Variants in ACKR3 observed in about 807,000 individuals in gnomAD.
ACKR3 encodes C-X-C chemokine receptor type 7.
ACKR3 carries 6 observed loss-of-function variants against 22.4 expected under a neutral mutation model. The ratio of observed to expected loss-of-function variants is 0.27; its 90% confidence interval spans 0.15 to 0.53. The LOEUF (loss-of-function observed/expected upper bound fraction) is 0.53, where lower values mean the gene tolerates loss of function less well. ACKR3 is among the 20% of genes least tolerant of loss of function. The pLI is 0.96. For missense variants in ACKR3, 396 were observed against 475.2 expected, an observed-to-expected ratio of 0.83 and a Z score of 1.55; for synonymous variants, 209 against 205.2, an observed-to-expected ratio of 1.02 and a Z score of -0.16.
At position 236,581,967 on chromosome 2, in the gene ACKR3, C is replaced by G. The variant is rs1347632169; in HGVS notation, c.*413C>G. On this transcript the variant is annotated 3_prime_UTR_variant, in exon 2 of 2. Transcript: ENST00000272928. The surrounding 1 kb of genome is among the most constrained non-coding windows in gnomAD (Gnocchi z 4.4). ...TATATTTTAAATATTGTTTGGGAGG[C>G]ATAGTGCTGACATATATTCAGAGTG... 2 of 170,002 alleles carry G rather than the reference C, an allele frequency of 1.2e-5. No homozygotes were observed. The highest frequency in any genetic ancestry group is 4.8e-5 in the African/African-American group (2 of 41,342). 10.5% of individuals were successfully genotyped at this position (170,002 alleles called of 1,614,324 possible). A position where few individuals can be genotyped will look rare whatever the true frequency, so the allele number is the denominator to read the frequency against.
chr2:236,574,949 C>T lies in ACKR3; in HGVS notation c.-27+5025C>T, dbSNP rs929402567. Among the ~76,000 whole-genome samples the T allele has an allele frequency of 1.3e-5, 2 of 152,128 alleles. No individual in the cohort carries two copies. Among genetic ancestry groups the T allele is most frequent in the African/African-American group, 4.8e-5 (2 of 41,424 alleles). ...GAGGGCTGGACAGGTGCTTGCCCAC[C>T]GCCGGCCACGGGAAAGTTCTCTCCC... On this transcript the variant is annotated intron_variant, in intron 1 of 1. Transcript: ENST00000272928. The surrounding 1 kb of genome is among the most constrained non-coding windows in gnomAD (Gnocchi z 5.6).
chr2:236,539,723 G>A, the ACKR3 span, among the ~76,000 whole-genome samples: 1 of 152,118 alleles, frequency 6.6e-6, no homozygotes, highest in East Asian at 1.9e-4. Context: ...GTATTAGTCT[G>A]TTCTCATGAT....
the ACKR3 span, among the ~76,000 whole-genome samples, chr2:236,542,064 A>G: frequency 2.0e-5 from 3 of 152,220 alleles, no homozygotes; most frequent in Non-Finnish European, 4.4e-5. Flanking sequence ...TGCCACCATA[A>G]TGCTCTGTAT....
chr2:236,537,581 G>A, the ACKR3 span, among the ~76,000 whole-genome samples: 1 of 152,160 alleles, frequency 6.6e-6, no homozygotes, highest in African/African-American at 2.4e-5. Flanking sequence ...AGTGGTACAG[G>A]GCCCCTTGGA....
chr2:236,580,994 C>G lies in ACKR3; in HGVS notation c.529C>G (p.Leu177Val). 6.2e-6 allele frequency: 10 copies of G among 1,614,178 alleles called. No homozygotes were observed. Among genetic ancestry groups the G allele is most frequent in the African/African-American group, 1.3e-5 (1 of 75,056 alleles). The change falls in exon 2 of 2, where the codon CTG (leucine) becomes GTG (valine). Residue 177 changes from leucine to valine, a missense_variant. Transcript: ENST00000272928. ...GTGGCTGCTGGCCTTCTGCGTGTCT[C>G]TGCCTGACACCTACTACCTGAAGAC... The part of the protein sequence containing the change: ...LVWLLAFCVS[L>V]PDTYYLKTVT...
chr2:236,544,850 G>A, the ACKR3 span, among the ~76,000 whole-genome samples: 1 of 152,220 alleles, frequency 6.6e-6, no homozygotes, highest in Non-Finnish European at 1.5e-5. This position sits in a 1 kb window ranked among gnomAD's most constrained non-coding sequence, Gnocchi z 5.0. Context: ...GCAGGCAATT[G>A]TTTTAGAATC....
chr2:236,568,680 G>T (rs1432370288), upstream of ACKR3, among the ~76,000 whole-genome samples: 1 of 152,248 alleles, frequency 6.6e-6, no homozygotes, highest in Non-Finnish European at 1.5e-5. Context: ...TATTTCTTTC[G>T]TTAAGGGCTT....
rs1459142241 is a variant in ACKR3, at chr2:236,569,848, A to C, written c.-103A>C. On this transcript the variant is annotated 5_prime_UTR_variant, in exon 1 of 2. Transcript: ENST00000272928. Reference sequence around the variant, plus strand: ...TCACAGTTGTTGCAAAGTGCTCAGCACTAAGGGAGCCAGCGCACAGCACAG... The same window carrying C: ...TCACAGTTGTTGCAAAGTGCTCAGCCCTAAGGGAGCCAGCGCACAGCACAG... 2.0e-5 allele frequency: 3 copies of C among 152,466 alleles called. No individual in the cohort carries two copies. Among genetic ancestry groups the C allele is most frequent in the Non-Finnish European group, 2.9e-5 (2 of 68,294 alleles). 9.4% of individuals were successfully genotyped at this position (152,466 alleles called of 1,614,324 possible).
At chr2:236,564,888 A>G (rs990639072), upstream of ACKR3, among the ~76,000 whole-genome samples, 3 of 152,166 alleles carry the variant, frequency 2.0e-5, no homozygotes, top group Non-Finnish European at 4.4e-5. Flanking sequence ...CAATTACAAA[A>G]GTGGGACAAA....
the ACKR3 span, among the ~76,000 whole-genome samples, chr2:236,552,056 C>T: frequency 6.6e-6 from 1 of 152,152 alleles, no homozygotes; most frequent in African/African-American, 2.4e-5. Flanking sequence ...CTGGTCTCTA[C>T]CCCCGTAGAA....
At chr2:236,554,856 A>G in the ACKR3 span, among the ~76,000 whole-genome samples, 2 of 152,216 alleles carry the variant, frequency 1.3e-5, no homozygotes, top group African/African-American at 4.8e-5. Flanking sequence ...AGAAATAGTT[A>G]AAGGGGCCCA....
rs1691532006 is a variant in ACKR3, at chr2:236,581,383, G to A, written c.918G>A (p.Val306=). 2 of 1,614,084 alleles carry A rather than the reference G, an allele frequency of 1.2e-6. No individual in the cohort carries two copies. Among genetic ancestry groups the A allele is most frequent in the Non-Finnish European group, 1.7e-6 (2 of 1,180,046 alleles). ...ALHVTQCLSL[V]HCCVNPVLYS... ...ATGTCACACAGTGCCTGTCGCTGGT[G>A]CACTGCTGCGTCAACCCTGTCCTCT... The change falls in exon 2 of 2, where the codon GTG becomes GTA. Residue 306 remains valine, a synonymous_variant. Transcript: ENST00000272928. The surrounding 1 kb of genome is among the most constrained non-coding windows in gnomAD (Gnocchi z 4.4).
chr2:236,550,355 T>A, the ACKR3 span, among the ~76,000 whole-genome samples: 1 of 152,218 alleles, frequency 6.6e-6, no homozygotes, highest in South Asian at 2.1e-4. The surrounding 1 kb of genome is among the most constrained non-coding windows in gnomAD (Gnocchi z 4.6). Context: ...GCCAGGCCAG[T>A]GTGCACGCTG....
At chr2:236,550,193 T>C in the ACKR3 span, among the ~76,000 whole-genome samples, 20 of 152,360 alleles carry the variant, frequency 1.3e-4, no homozygotes, top group African/African-American at 4.8e-4. The surrounding 1 kb of genome is among the most constrained non-coding windows in gnomAD (Gnocchi z 4.6). Context: ...TTCTGCACAG[T>C]GAAGGCGGTG....
chr2:236,568,748 C>T (rs1019685669), upstream of ACKR3, among the ~76,000 whole-genome samples: 5 of 152,372 alleles, frequency 3.3e-5, no homozygotes, highest in African/African-American at 9.6e-5. Context: ...CCCCCAGATT[C>T]AGCGCTGGGA....
At position 236,576,551 on chromosome 2, in the gene ACKR3, C is replaced by T. The variant is rs1193420297; in HGVS notation, c.-26-3889C>T. Among the ~76,000 whole-genome samples, 3 of 152,172 alleles carry T rather than the reference C, an allele frequency of 2.0e-5. No homozygotes were observed. The East Asian group carries it at 5.8e-4, about 29-fold the overall frequency. On this transcript the variant is annotated intron_variant, in intron 1 of 1. Transcript: ENST00000272928. The stretch of plus-strand genomic sequence containing the variant: ...TGCTCTATGAAGCTTTTGTTCCTAT[C>T]AGGGATTCTGAGAGTGTCACTTATT...
At chr2:236,538,340 T>C in the ACKR3 span, among the ~76,000 whole-genome samples, 1 of 152,190 alleles carries the variant, frequency 6.6e-6, no homozygotes, top group African/African-American at 2.4e-5. Context: ...AACACAGTGA[T>C]GATATATTTT....
chr2:236,541,757 T>C, the ACKR3 span, among the ~76,000 whole-genome samples: 1 of 152,218 alleles, frequency 6.6e-6, no homozygotes, highest in East Asian at 1.9e-4. Context: ...AATTGAATTA[T>C]GGTGGTAGTT....
chr2:236,570,331 T>C (rs1454742957), intron 1 of ACKR3, among the ~76,000 whole-genome samples: 1 of 152,242 alleles, frequency 6.6e-6, no homozygotes, highest in Admixed American at 6.5e-5. Context: ...GTTTTGCTTC[T>C]AGTATATCAG....
Sources: gnomAD v4.1 joint callset for allele counts (sites outside exome capture counted in the v4.1 genomes callset) on GRCh38, gnomAD v4.1.1 for gene constraint, Gnocchi (gnomAD v3.1) non-coding constraint, MANE v1.5 for transcripts, NCBI Gene and HGNC (gene_info 2026-07-23, HGNC 2026-07-21) for gene names.